The following ST6GALNAC3 variants were observed in gnomAD, a reference collection of about 807,000 sequenced individuals.
ST6GALNAC3 encodes the protein alpha-N-acetylgalactosaminide alpha-2,6-sialyltransferase 3.
A neutral mutation model predicts 32.7 loss-of-function variants in ST6GALNAC3; 25 were observed. The observed-to-expected ratio is 0.76, with a 90% CI of 0.56 to 1.07. The LOEUF is 1.07. ST6GALNAC3 is among the 50% of genes least tolerant of loss of function. The probability of loss-of-function intolerance (pLI) is 0.00; values close to 1 mark genes in which losing one functional copy is unlikely to be tolerated. For synonymous variants in ST6GALNAC3, 129 were observed against 133.1 expected (o/e 0.97, Z 0.21); for missense variants, 355 against 382.4 (o/e 0.93, Z 0.60).
At chr1:76,331,731 G>A (rs777574837) in intron 2 of ST6GALNAC3, among the ~76,000 whole-genome samples, 2 of 152,170 alleles carry the variant, frequency 1.3e-5, no homozygotes, top group African/African-American at 2.4e-5. Flanking sequence ...TCTCAGGAGG[G>A]CAGGTCTTTC....
intron 2 of ST6GALNAC3, among the ~76,000 whole-genome samples, chr1:76,358,002 T>A (rs1208579252): frequency 6.6e-6 from 1 of 152,146 alleles, no homozygotes; most frequent in Non-Finnish European, 1.5e-5. Context: ...TACTACACCT[T>A]TTTCATTATT....
At chr1:76,215,481 A>G (rs1251846901) in intron 1 of ST6GALNAC3, among the ~76,000 whole-genome samples, 1 of 152,148 alleles carries the variant, frequency 6.6e-6, no homozygotes, top group Non-Finnish European at 1.5e-5. Context: ...TGGCATTGGG[A>G]TATTTCATGC....
intron 3 of ST6GALNAC3, among the ~76,000 whole-genome samples, chr1:76,534,161 G>A (rs2101829309): frequency 6.6e-6 from 1 of 152,022 alleles, no homozygotes; most frequent in East Asian, 1.9e-4. Flanking sequence ...TCCTGCCTCA[G>A]CCTCCTGAGT....
chr1:76,575,486 A>G (rs764566071), intron 3 of ST6GALNAC3, among the ~76,000 whole-genome samples: 23 of 152,104 alleles, frequency 1.5e-4, no homozygotes, highest in Non-Finnish European at 2.5e-4. Context: ...AAATAGCAGA[A>G]TATGGGTGGA....
At chr1:76,181,444 A>G (rs1653172602) in intron 1 of ST6GALNAC3, among the ~76,000 whole-genome samples, 1 of 152,128 alleles carries the variant, frequency 6.6e-6, no homozygotes. Flanking sequence ...TTTTGGATGT[A>G]AATTTTCCCA....
In ST6GALNAC3 at chr1:76,102,694, A is replaced by ATT. The variant is rs1647275636; in HGVS notation, c.18+27813_18+27814dup. Reference sequence around the variant, plus strand: ...CTTGACTTCTGTGTCATTGTTATGTATTTTACTTCTATACCTTTCAGATGC... The same window carrying ATT: ...CTTGACTTCTGTGTCATTGTTATGTATTTTTTACTTCTATACCTTTCAGATGC... On this transcript the variant is annotated intron_variant, in intron 1 of 4. Coordinates refer to ENST00000328299, the MANE Select transcript of ST6GALNAC3 (RefSeq NM_152996.4). Among the ~76,000 whole-genome samples the ATT allele has an allele frequency of 2.6e-5, 4 of 152,010 alleles. No homozygotes were observed. The South Asian group carries it at 8.3e-4, about 31-fold the overall frequency.
intron 3 of ST6GALNAC3, among the ~76,000 whole-genome samples, chr1:76,486,441 G>C (rs1660121370): frequency 6.6e-6 from 1 of 152,166 alleles, no homozygotes; most frequent in Admixed American, 6.6e-5. Flanking sequence ...AGGATAGTTA[G>C]CTCTTCTTGT....
intron 1 of ST6GALNAC3, among the ~76,000 whole-genome samples, chr1:76,297,965 T>C (rs1287701068): frequency 6.6e-6 from 1 of 151,884 alleles, no homozygotes; most frequent in Admixed American, 6.6e-5. Flanking sequence ...AAACTTAAGT[T>C]TTGTACAGAA....
At chr1:76,567,425 C>T (rs1665618623) in intron 3 of ST6GALNAC3, among the ~76,000 whole-genome samples, 4 of 152,090 alleles carry the variant, frequency 2.6e-5, no homozygotes, top group Admixed American at 2.6e-4. Context: ...TTACTTATGA[C>T]ATTTTACTGG....
intron 1 of ST6GALNAC3, among the ~76,000 whole-genome samples, chr1:76,156,262 C>G (rs564829724): frequency 6.6e-6 from 1 of 152,190 alleles, no homozygotes; most frequent in South Asian, 2.1e-4. Context: ...CGGTGTTTGT[C>G]AGGTTTCTTC....
intron 1 of ST6GALNAC3, among the ~76,000 whole-genome samples, chr1:76,289,012 C>T (rs1659932594): frequency 6.6e-6 from 1 of 152,210 alleles, no homozygotes; most frequent in Non-Finnish European, 1.5e-5. Flanking sequence ...TGTATATTCA[C>T]ATCTTGTCTA....
intron 1 of ST6GALNAC3, among the ~76,000 whole-genome samples, chr1:76,129,516 G>T (rs746336322): frequency 4.6e-5 from 7 of 152,158 alleles, no homozygotes; most frequent in Non-Finnish European, 7.3e-5. Flanking sequence ...GTATCACCCT[G>T]TTAACAATCC....
intron 1 of ST6GALNAC3, among the ~76,000 whole-genome samples, chr1:76,102,951 G>GGGAT (rs1647287822): frequency 6.6e-6 from 1 of 151,810 alleles, no homozygotes; most frequent in Non-Finnish European, 1.5e-5. Context: ...ATCACTCTTA[G>GGGAT]GGATATTTCC....
chr1:76,199,028 C>CA (rs138285313), intron 1 of ST6GALNAC3, among the ~76,000 whole-genome samples: 10,229 of 152,182 alleles, frequency 0.067, 345 homozygotes, highest in Middle Eastern at 0.1. Flanking sequence ...GTGGCAGTGT[C>CA]AGACAAGTTC....
At chr1:76,138,675 T>C (rs898746824) in intron 1 of ST6GALNAC3, among the ~76,000 whole-genome samples, 4 of 152,240 alleles carry the variant, frequency 2.6e-5, no homozygotes, top group African/African-American at 7.2e-5. Context: ...ACTTGACATA[T>C]CATATCTTTT....
At chr1:76,579,057 C>G (rs568041583) in intron 3 of ST6GALNAC3, among the ~76,000 whole-genome samples, 2 of 152,032 alleles carry the variant, frequency 1.3e-5, no homozygotes, top group Non-Finnish European at 2.9e-5. Context: ...GAAAACCAGA[C>G]TATTATATGT....
At chr1:76,108,018 T>C (rs896492363) in intron 1 of ST6GALNAC3, among the ~76,000 whole-genome samples, 2 of 152,170 alleles carry the variant, frequency 1.3e-5, no homozygotes, top group Non-Finnish European at 2.9e-5. Flanking sequence ...TTTGGGCTGT[T>C]TGAGTTGAAA....
chr1:76,385,124 TA>T (rs904863250), intron 2 of ST6GALNAC3, among the ~76,000 whole-genome samples: 4 of 151,984 alleles, frequency 2.6e-5, no homozygotes, highest in Admixed American at 2.0e-4. Flanking sequence ...AACACATGTT[TA>T]AAAAAAACCC....
chr1:76,091,448 C>G (rs1647044595), intron 1 of ST6GALNAC3, among the ~76,000 whole-genome samples: 1 of 152,212 alleles, frequency 6.6e-6, no homozygotes, highest in Non-Finnish European at 1.5e-5. Context: ...TTAATGCCTA[C>G]TGTTTGTTTC....
Sources: gnomAD v4.1 joint callset for allele counts (sites outside exome capture counted in the v4.1 genomes callset) on GRCh38, gnomAD v4.1.1 for gene constraint, MANE v1.5 for transcripts, NCBI Gene and HGNC (gene_info 2026-07-23, HGNC 2026-07-21) for gene names.